Variants in ATAD3B observed in about 807,000 individuals in gnomAD.
ATAD3B encodes ATPase family AAA domain-containing protein 3B.
Under a neutral mutation model 70.2 loss-of-function variants are expected in ATAD3B, and 59 were observed. That is an observed-to-expected ratio of 0.84 (90% CI 0.68 to 1.04). The LOEUF is 1.04. Among genes scored for constraint, ATAD3B ranks in the 50% least tolerant of loss-of-function variants. The pLI is 0.00. For missense variants in ATAD3B, 961 were observed against 913.4 expected, an observed-to-expected ratio of 1.05 and a Z score of -0.67; for synonymous variants, 423 against 388.6, an observed-to-expected ratio of 1.09 and a Z score of -1.04.
chr1:1,505,389 C>T, the ATAD3B span, among the ~76,000 whole-genome samples: 2 of 152,188 alleles, frequency 1.3e-5, no homozygotes, highest in Non-Finnish European at 2.9e-5. Flanking sequence ...AACGTGAAGG[C>T]GGACTAGGAG....
intron 12 of ATAD3B, among the ~76,000 whole-genome samples, chr1:1,488,922 A>G (rs562995848): frequency 3.3e-5 from 5 of 151,726 alleles, no homozygotes; most frequent in Admixed American, 3.3e-4. Context: ...GCCACCATGC[A>G]TGGCTAATTT....
At chr1:1,482,514 C>A in intron 6 of ATAD3B, 31 bp from the exon 7 acceptor site, 2 of 1,613,322 alleles carry the variant, frequency 1.2e-6, no homozygotes, top group South Asian at 2.2e-5. Flanking sequence ...TCTTCGTGTC[C>A]TTCCTGGTCA....
rs756790819 is a variant in ATAD3B, at chr1:1,490,406, C to CACGTGACATTTAGCTGTCACTTCTGGTG, written c.1487_1488insACGTGACATTTAGCTGTCACTTCTGGTG (p.Ala497ArgfsTer4). The CACGTGACATTTAGCTGTCACTTCTGGTG allele has an allele frequency of 6.2e-7, 1 of 1,613,434 alleles. No homozygotes were observed. The highest frequency in any genetic ancestry group is 1.7e-5 in the Admixed American group (1 of 59,990). ...CATTTTGACAACTGTGTTCTTAAGC[C>CACGTGACATTTAGCTGTCACTTCTGGTG]GGCCACAGAAGGAAAACGGTGAGTG... On this transcript the variant is annotated stop_gained and frameshift_variant, in exon 14 of 16. Transcript: ENST00000673477. LOFTEE classifies it high-confidence loss of function.
chr1:1,472,494 A>T (rs1639382565), intron 1 of ATAD3B, among the ~76,000 whole-genome samples: 1 of 151,892 alleles, frequency 6.6e-6, no homozygotes, highest in South Asian at 2.1e-4. Context: ...TTTCCACGTA[A>T]CAAGGGAAGC....
chr1:1,505,158 C>T, the ATAD3B span, among the ~76,000 whole-genome samples: 1 of 152,048 alleles, frequency 6.6e-6, no homozygotes, highest in Non-Finnish European at 1.5e-5. Context: ...GACAAAGGGG[C>T]AGGATAAGGA....
chr1:1,507,467 C>A, the ATAD3B span, among the ~76,000 whole-genome samples: 17 of 152,272 alleles, frequency 1.1e-4, no homozygotes, highest in African/African-American at 3.9e-4. Flanking sequence ...ATATTGATTG[C>A]TTTTTGTATG....
the ATAD3B span, among the ~76,000 whole-genome samples, chr1:1,505,319 T>A: frequency 1.3e-5 from 2 of 152,170 alleles, no homozygotes; most frequent in Non-Finnish European, 2.9e-5. Flanking sequence ...CAGAGACTTT[T>A]AGTACTTTCA....
chr1:1,495,327 C>A (rs819984), intron 15 of ATAD3B, among the ~76,000 whole-genome samples, 158 bp from the exon 16 acceptor site: 1 of 152,042 alleles, frequency 6.6e-6, no homozygotes, highest in East Asian at 1.9e-4. Flanking sequence ...AGTGTCCACA[C>A]GCGTGCTGGG....
the ATAD3B span, among the ~76,000 whole-genome samples, chr1:1,506,076 T>C: frequency 3.3e-5 from 5 of 151,892 alleles, no homozygotes; most frequent in African/African-American, 1.2e-4. Flanking sequence ...CTACTAAAAA[T>C]ACAAAAATCA....
At chr1:1,480,727 CAG>C (rs1296342848) in intron 4 of ATAD3B, 138 bp from the exon 5 acceptor site, 19 of 1,455,600 alleles carry the variant, frequency 1.3e-5, no homozygotes, top group Non-Finnish European at 1.5e-5. Context: ...GTGTCTGTGT[CAG>C]GGTGCGGCGT....
At chr1:1,476,427 T>C (rs1377186145) in intron 1 of ATAD3B, among the ~76,000 whole-genome samples, 4 of 151,548 alleles carry the variant, frequency 2.6e-5, no homozygotes, top group Admixed American at 6.6e-5. Context: ...TGAGACGGGC[T>C]GCGGGAGGAA....
intron 15 of ATAD3B, among the ~76,000 whole-genome samples, chr1:1,492,543 C>G (rs569986836): frequency 5.2e-4 from 79 of 152,000 alleles, no homozygotes; most frequent in African/African-American, 1.8e-3. Context: ...TGCCTGTAAT[C>G]CCAGCACTTT....
chr1:1,499,364 G>A (rs1339216813), downstream of ATAD3B, among the ~76,000 whole-genome samples: 3 of 142,668 alleles, frequency 2.1e-5, no homozygotes, highest in Non-Finnish European at 4.5e-5. Context: ...AGCCTCCCAA[G>A]TAGCTGGGAT....
intron 7 of ATAD3B, 186 bp from the exon 8 acceptor site, chr1:1,484,830 C>T: frequency 1.4e-6 from 2 of 1,390,920 alleles, no homozygotes; most frequent in East Asian, 2.5e-5. Context: ...ATGACTGCCC[C>T]ACCTGCCTCC....
chr1:1,506,561 A>G, the ATAD3B span, among the ~76,000 whole-genome samples: 33 of 152,156 alleles, frequency 2.2e-4, 2 homozygotes, highest in South Asian at 6.2e-3. Context: ...GCGCCCGGCC[A>G]GTTTTCATTG....
chr1:1,482,239 A>C lies in ATAD3B; in HGVS notation c.616A>C (p.Ile206Leu). Residue 206 changes from isoleucine (I) to leucine (L), a missense_variant, in exon 6 of 16, where the codon ATC (isoleucine) becomes CTC (leucine). Coordinates refer to ENST00000673477, the MANE Select transcript of ATAD3B (RefSeq NM_031921.6). ...CAAGGCCGAGCGGGAGAATGCAGAC[A>C]TCATCCGCGAGCAGATCCGCCTGAA... ...RAKAERENAD[I>L]IREQIRLKAS... 2 of 1,611,584 alleles carry C rather than the reference A, an allele frequency of 1.2e-6. No homozygotes were observed. The highest frequency in any genetic ancestry group is 1.7e-6 in the Non-Finnish European group (2 of 1,179,356).
In ATAD3B at chr1:1,496,150, C is replaced by G; in HGVS notation, c.*333C>G. On this transcript the variant is annotated 3_prime_UTR_variant, in exon 16 of 16. Transcript: ENST00000673477. ...CGCCCTGTCAGCTGGCCGGTCCAAGCCTGTGGCTGGAGCTGGTGTGTGTTT... is the reference window on the plus strand; with the variant it reads ...CGCCCTGTCAGCTGGCCGGTCCAAGGCTGTGGCTGGAGCTGGTGTGTGTTT... 2 of 1,095,964 alleles carry G rather than the reference C, an allele frequency of 1.8e-6. No homozygotes were observed. The highest frequency in any genetic ancestry group is 3.8e-5 in the South Asian group (1 of 26,018). 67.9% of individuals were successfully genotyped at this position (1,095,964 alleles called of 1,614,324 possible). A position where few individuals can be genotyped will look rare whatever the true frequency, so the allele number is the denominator to read the frequency against.
rs533823791 is a variant in ATAD3B at position 1,479,828 on chromosome 1, C to T, written c.444+720C>T. Reference sequence around the variant, plus strand: ...GCTCACACAGCCCACACACATACCCCTTCACACAGGCACACACCGCCCCGC... The same window carrying T: ...GCTCACACAGCCCACACACATACCCTTTCACACAGGCACACACCGCCCCGC... On this transcript the variant is annotated intron_variant, in intron 4 of 15. Transcript: ENST00000673477. Among the ~76,000 whole-genome samples, 140 of 142,090 alleles carry T rather than the reference C, an allele frequency of 9.9e-4. 18 individuals carry two copies. The highest frequency in any genetic ancestry group is 3.5e-3 in the African/African-American group (132 of 37,486). 93.2% of individuals were successfully genotyped at this position (142,090 alleles called of 152,430 possible). A position where few individuals can be genotyped will look rare whatever the true frequency, so the allele number is the denominator to read the frequency against.
the ATAD3B span, chr1:1,503,759 G>A: frequency 1.3e-6 from 2 of 1,540,606 alleles, no homozygotes; most frequent in African/African-American, 1.4e-5. Flanking sequence ...CTGGTGGCAT[G>A]TACATGGGCA....
Sources: allele counts gnomAD v4.1 joint callset (sites outside exome capture counted in the v4.1 genomes callset), GRCh38; gene constraint gnomAD v4.1.1; transcripts MANE v1.5; gene names NCBI Gene and HGNC (gene_info 2026-07-23, HGNC 2026-07-21).